Variants in SND1 observed in about 807,000 individuals in gnomAD.
SND1 encodes staphylococcal nuclease domain-containing protein 1.
SND1 carries 38 observed loss-of-function variants against 121.7 expected under a neutral mutation model. The observed-to-expected ratio is 0.31, with a 90% CI of 0.24 to 0.41. The LOEUF is 0.41. Ranked by LOEUF, SND1 falls within the 10% of genes least tolerant of loss-of-function variation. SND1 has a pLI of 1.00. For missense variants in SND1, 868 were observed against 1,184.6 expected (o/e 0.73, Z 3.92); for synonymous variants, 401 against 447.4 (o/e 0.90, Z 1.31).
At chr7:127,709,159 A>G (rs531074547) in intron 9 of SND1, among the ~76,000 whole-genome samples, 11 of 152,350 alleles carry the variant, frequency 7.2e-5, no homozygotes, top group African/African-American at 1.7e-4. Context: ...GTCTTGTTGC[A>G]GACCACAATG....
intron 14 of SND1, among the ~76,000 whole-genome samples, chr7:127,916,631 GC>G (rs1800585969): frequency 6.6e-6 from 1 of 152,162 alleles, no homozygotes; most frequent in Non-Finnish European, 1.5e-5. Flanking sequence ...TTAAAACGTT[GC>G]CGCCCAAGCT....
At chr7:127,785,089 G>A (rs1298006590) in intron 10 of SND1, among the ~76,000 whole-genome samples, 1 of 152,060 alleles carries the variant, frequency 6.6e-6, no homozygotes, top group East Asian at 1.9e-4. Flanking sequence ...CACCTTTTCT[G>A]GTAGAGATGA....
At chr7:127,891,928 A>G (rs531685541) in intron 13 of SND1, among the ~76,000 whole-genome samples, 1 of 152,272 alleles carries the variant, frequency 6.6e-6, no homozygotes, top group South Asian at 2.1e-4. Context: ...CATATCAGTC[A>G]TTCGTTCTGA....
chr7:128,051,474 T>C (rs1469038249), intron 16 of SND1, among the ~76,000 whole-genome samples: 1 of 151,950 alleles, frequency 6.6e-6, no homozygotes, highest in African/African-American at 2.4e-5. Flanking sequence ...CACAGGGTTT[T>C]ATTTACCACC....
intron 14 of SND1, among the ~76,000 whole-genome samples, chr7:127,922,109 G>A (rs1323107765): frequency 4.1e-5 from 6 of 145,892 alleles, no homozygotes; most frequent in African/African-American, 1.5e-4. Context: ...TCCCACATCA[G>A]CCTCCTGAGT....
At chr7:127,816,814 C>T (rs1344134618) in intron 11 of SND1, among the ~76,000 whole-genome samples, 1 of 152,048 alleles carries the variant, frequency 6.6e-6, no homozygotes, top group Non-Finnish European at 1.5e-5. Flanking sequence ...AGGCATGTAC[C>T]ACCAAGCCCA....
At chr7:128,042,558 G>C (rs1257057190) in intron 16 of SND1, 1 of 152,332 alleles carries the variant, frequency 6.6e-6, no homozygotes, top group Non-Finnish European at 1.5e-5. Context: ...GAAGGCTGTA[G>C]CCTCTGCTCA....
At chr7:127,739,924 A>T (rs1796847243) in intron 10 of SND1, among the ~76,000 whole-genome samples, 1 of 152,214 alleles carries the variant, frequency 6.6e-6, no homozygotes, top group Non-Finnish European at 1.5e-5. Context: ...TCTTAAAGTC[A>T]TGGTGGTAAA....
chr7:127,727,891 C>T (rs1165221686), intron 10 of SND1, among the ~76,000 whole-genome samples: 2 of 152,040 alleles, frequency 1.3e-5, no homozygotes, highest in African/African-American at 4.8e-5. Context: ...ATTTAAGATT[C>T]CAGGATATAT....
chr7:127,665,184 T>G (rs1023728525), intron 1 of SND1, among the ~76,000 whole-genome samples: 9 of 151,462 alleles, frequency 5.9e-5, no homozygotes, highest in Admixed American at 3.3e-4. Flanking sequence ...GTTTTGACAG[T>G]CAACATTTTT....
chr7:127,770,986 T>C (rs186140711), intron 10 of SND1, among the ~76,000 whole-genome samples: 89 of 152,310 alleles, frequency 5.8e-4, no homozygotes, highest in Non-Finnish European at 9.4e-4. Flanking sequence ...TACACTGATA[T>C]CTCGTTGGCT....
At chr7:127,698,304 A>G (rs1029331720) in intron 3 of SND1, among the ~76,000 whole-genome samples, 2 of 152,152 alleles carry the variant, frequency 1.3e-5, no homozygotes, top group Admixed American at 6.6e-5. Context: ...CCAGCCCTAA[A>G]TGAATCCGTC....
intron 12 of SND1, among the ~76,000 whole-genome samples, chr7:127,882,108 A>C (rs1307988441): frequency 6.6e-6 from 1 of 151,700 alleles, no homozygotes; most frequent in Non-Finnish European, 1.5e-5. Flanking sequence ...TTCAAAAATG[A>C]GCCAAGCATG....
chr7:128,006,862 C>G (rs1802989297), intron 16 of SND1, among the ~76,000 whole-genome samples: 2 of 152,358 alleles, frequency 1.3e-5, no homozygotes, highest in South Asian at 4.1e-4. Flanking sequence ...GTGGGAGTGG[C>G]AGTTCCCAGG....
chr7:127,958,042 T>C (rs1213401559), intron 15 of SND1, among the ~76,000 whole-genome samples: 1 of 152,218 alleles, frequency 6.6e-6, no homozygotes, highest in East Asian at 1.9e-4. Flanking sequence ...AGTATTCACC[T>C]ATTTCTTCAG....
chr7:127,703,617 C>G (rs944236388), intron 7 of SND1, among the ~76,000 whole-genome samples: 4 of 152,108 alleles, frequency 2.6e-5, no homozygotes, highest in Admixed American at 2.0e-4. Context: ...GAGGCTGAGG[C>G]AGGAGAACTG....
rs376321160 is a variant in SND1, at chr7:127,990,976, C to T, written c.1699C>T (p.Leu567Phe). The T allele has an allele frequency of 1.5e-5, 24 of 1,613,888 alleles. No homozygotes were observed. The highest frequency in any genetic ancestry group is 1.9e-5 in the Non-Finnish European group (23 of 1,179,946). The stretch of plus-strand genomic sequence containing the variant: ...TGAATGCCCCAGAGGAGCCCGAAAC[C>T]TCCCAGGCTTGGTGCAGGAAGGAGA... ...GIECPRGARN[L>F]PGLVQEGEPF... The change falls in exon 16 of 24, where the codon CTC (leucine) becomes TTC (phenylalanine). Residue 567 changes from leucine to phenylalanine, a missense_variant. Physicochemically the swap from Leu to Phe is conservative, Grantham distance 22. Transcript: ENST00000354725.
chr7:127,694,944 A>T lies in SND1; in HGVS notation c.345A>T (p.Gly115=). ...GAGAGTATGGCATGATCTACCTTGG[A>T]AAAGGTGAGCTGCAGGGAGAGGACT... The part of the protein sequence containing the change: ...QGREYGMIYL[G]KDTNGENIAE... The change falls in exon 3 of 24, where the codon GGA becomes GGT. Residue 115 remains glycine, a synonymous_variant. Coordinates refer to ENST00000354725, the MANE Select transcript of SND1 (RefSeq NM_014390.4). 6.2e-7 allele frequency: 1 copy of T among 1,611,848 alleles called. No individual in the cohort carries two copies. Among genetic ancestry groups the T allele is most frequent in the Non-Finnish European group, 8.5e-7 (1 of 1,178,634 alleles).
intron 16 of SND1, among the ~76,000 whole-genome samples, chr7:128,043,478 G>T (rs1288121151): frequency 1.3e-5 from 2 of 152,046 alleles, no homozygotes; most frequent in Admixed American, 6.6e-5. Flanking sequence ...GGAGGCTGAG[G>T]TGGGAGAATC....
Sources: gnomAD v4.1 joint callset for allele counts (sites outside exome capture counted in the v4.1 genomes callset) on GRCh38, gnomAD v4.1.1 for gene constraint, MANE v1.5 for transcripts, NCBI Gene and HGNC (gene_info 2026-07-23, HGNC 2026-07-21) for gene names.